ARHGAP11B: variants seen among roughly 807,000 people sequenced by gnomAD.
The protein encoded by ARHGAP11B is inactive Rho GTPase-activating protein 11B.
Under a neutral mutation model 27.6 loss-of-function variants are expected in ARHGAP11B, and 14 were observed. That is an observed-to-expected ratio of 0.51 (90% CI 0.34 to 0.79). The LOEUF (loss-of-function observed/expected upper bound fraction) is 0.79. Among genes scored for constraint, ARHGAP11B ranks in the 30% least tolerant of loss-of-function variants. The pLI is 0.02. For missense variants in ARHGAP11B, 245 were observed against 320.1 expected (o/e 0.77, Z 1.79); for synonymous variants, 82 against 114.1 (o/e 0.72, Z 1.80).
chr15:30,643,425 C>T (rs954389340), intron 7 of ARHGAP11B, among the ~76,000 whole-genome samples: 4 of 151,806 alleles, frequency 2.6e-5, no homozygotes, highest in African/African-American at 9.7e-5. Flanking sequence ...ATTACAGGGG[C>T]CTGCCACTGC....
At chr15:30,636,558 T>C (rs966988804) in intron 6 of ARHGAP11B, among the ~76,000 whole-genome samples, 1 of 152,210 alleles carries the variant, frequency 6.6e-6, no homozygotes, top group Middle Eastern at 3.4e-3. Flanking sequence ...TGTTTCTTCT[T>C]TACCTCCTTT....
chr15:30,643,480 T>C (rs2060327212), intron 7 of ARHGAP11B, among the ~76,000 whole-genome samples: 1 of 151,966 alleles, frequency 6.6e-6, no homozygotes, highest in Non-Finnish European at 1.5e-5. Flanking sequence ...GATTTTATCA[T>C]GTTGGCCAGG....
chr15:30,642,282 T>C (rs1458051832), intron 7 of ARHGAP11B, among the ~76,000 whole-genome samples: 2 of 152,008 alleles, frequency 1.3e-5, no homozygotes, highest in Non-Finnish European at 2.9e-5. Context: ...TAAATGTATA[T>C]GGAGCCTTTG....
intron 6 of ARHGAP11B, 138 bp from the exon 7 acceptor site, chr15:30,638,608 A>G: frequency 2.1e-6 from 1 of 473,306 alleles, no homozygotes; most frequent in Non-Finnish European, 3.8e-6. Context: ...CTATTTTGAA[A>G]TAATTCCTCT....
chr15:30,639,169 A>G (rs2060300300), intron 7 of ARHGAP11B, among the ~76,000 whole-genome samples: 1 of 152,156 alleles, frequency 6.6e-6, no homozygotes, highest in Non-Finnish European at 1.5e-5. Flanking sequence ...TCAATTTTTT[A>G]TCCTAATTTG....
intron 1 of ARHGAP11B, among the ~76,000 whole-genome samples, chr15:30,629,455 G>A (rs2060230632): frequency 6.6e-6 from 1 of 152,036 alleles, no homozygotes; most frequent in Admixed American, 6.6e-5. Flanking sequence ...TCGGGAAGCT[G>A]AGGCAGGAGA....
rs536295310 is a variant in ARHGAP11B at position 30,635,776 on chromosome 15, G to T, written c.*3+143G>T. 2.1e-3 allele frequency: 1,625 copies of T among 766,550 alleles called. 3 individuals carry two copies. Among genetic ancestry groups the T allele is most frequent in the Non-Finnish European group, 2.6e-3 (1,232 of 472,216 alleles). The allele number at this position is 766,550 out of a possible 1,614,324, so 47.5% of individuals were successfully genotyped here. ...AAGATAGGACGTATGCGTGTAAAAA[G>T]TTAAAGCGATAGTACAATCTAATGT... On this transcript the variant is annotated intron_variant, in intron 6 of 10. Transcript: ENST00000428041.
At chr15:30,629,314 A>C (rs996963590) in intron 1 of ARHGAP11B, among the ~76,000 whole-genome samples, 3 of 151,888 alleles carry the variant, frequency 2.0e-5, no homozygotes, top group Admixed American at 6.6e-5. Context: ...GAGGCCGAGG[A>C]GGGTGGATCA....
At chr15:30,632,916 G>A (rs1257857558) in intron 2 of ARHGAP11B, among the ~76,000 whole-genome samples, 1 of 151,772 alleles carries the variant, frequency 6.6e-6, no homozygotes, top group African/African-American at 2.4e-5. Flanking sequence ...AGCATGTAGA[G>A]GTTTCACATA....
intron 1 of ARHGAP11B, among the ~76,000 whole-genome samples, chr15:30,627,546 A>G (rs12914767): frequency 7.9e-5 from 12 of 152,098 alleles, no homozygotes; most frequent in Non-Finnish European, 1.5e-4. Context: ...GCTTGGCCAT[A>G]TCATACTTTT....
chr15:30,643,942 A>G lies in ARHGAP11B; in HGVS notation c.*79-697A>G, dbSNP rs371480593. 1.4e-3 allele frequency among the ~76,000 whole-genome samples: 211 copies of G among 151,956 alleles called. 2 individuals carry two copies. Among genetic ancestry groups the G allele is most frequent in the Non-Finnish European group, 2.4e-3 (165 of 67,956 alleles). ...GGATCCAACTACATGGTTTCTTCAC[A>G]TTTCTCAAATTGTGCACTTTCCAAT... On this transcript the variant is annotated intron_variant, in intron 7 of 10. Coordinates refer to ENST00000428041, the Ensembl canonical transcript of ARHGAP11B.
At chr15:30,633,962 C>G (rs1302373480) in intron 3 of ARHGAP11B, among the ~76,000 whole-genome samples, 1 of 150,654 alleles carries the variant, frequency 6.6e-6, no homozygotes, top group Non-Finnish European at 1.5e-5. Context: ...GAGTTTGAAG[C>G]CAGCCCAGGC....
chr15:30,634,806 AG>A (rs2060268536), intron 4 of ARHGAP11B, among the ~76,000 whole-genome samples: 1 of 151,178 alleles, frequency 6.6e-6, no homozygotes, highest in South Asian at 2.1e-4. Flanking sequence ...TTTTATGTGT[AG>A]GTCTGAAAAT....
rs79733078 is a variant in ARHGAP11B at position 30,637,346 on chromosome 15, C to T, written c.*4-1400C>T. On this transcript the variant is annotated intron_variant, in intron 6 of 10. Coordinates refer to ENST00000428041, the Ensembl canonical transcript of ARHGAP11B. ...ATTCCCTAGATAACTCAGGCTTTAA[C>T]CATGGGTTCTACCTCTTCCTCTACC... is the stretch of plus-strand genomic sequence containing the variant. Among the ~76,000 whole-genome samples, 5 of 152,212 alleles carry T rather than the reference C, an allele frequency of 3.3e-5. No homozygotes were observed. The East Asian group carries it at 5.8e-4, about 18-fold the overall frequency.
intron 7 of ARHGAP11B, among the ~76,000 whole-genome samples, chr15:30,639,617 G>C (rs2060303099): frequency 6.6e-6 from 1 of 151,916 alleles, no homozygotes; most frequent in South Asian, 2.1e-4. Flanking sequence ...TATTTTTTCA[G>C]CCCAGCTATC....
At chr15:30,642,232 G>C (rs898496581) in intron 7 of ARHGAP11B, among the ~76,000 whole-genome samples, 1 of 151,802 alleles carries the variant, frequency 6.6e-6, no homozygotes. Flanking sequence ...AATTGAGAGG[G>C]TTCATGTTTG....
In ARHGAP11B at chr15:30,626,530, G is replaced by A. The variant is rs1253691292; in HGVS notation, c.-291G>A. The A allele has an allele frequency of 2.2e-6, 1 of 461,854 alleles. No homozygotes were observed. Among genetic ancestry groups the A allele is most frequent in the African/African-American group, 2.0e-5 (1 of 50,882 alleles). The allele number at this position is 461,854 out of a possible 1,614,324, so 28.6% of individuals were successfully genotyped here. A position where few individuals can be genotyped will look rare whatever the true frequency, so the allele number is the denominator to read the frequency against. Reference sequence around the variant, plus strand: ...CCGAAAGAATCAGAAAGAAGTCTATGTGAGTAGCTGAAAGCATTGGGTGAC... The same window carrying A: ...CCGAAAGAATCAGAAAGAAGTCTATATGAGTAGCTGAAAGCATTGGGTGAC... On this transcript the variant is annotated 5_prime_UTR_variant, in exon 1 of 11. It adds an upstream start codon to the 5' untranslated region. Transcript: ENST00000428041.
At chr15:30,629,747 T>G (rs1041339229) in intron 1 of ARHGAP11B, among the ~76,000 whole-genome samples, 1 of 152,100 alleles carries the variant, frequency 6.6e-6, no homozygotes, top group African/African-American at 2.4e-5. Context: ...TTAAATATAA[T>G]GCTCATAAAA....
chr15:30,636,347 GA>G (rs2060279552), intron 6 of ARHGAP11B, among the ~76,000 whole-genome samples: 2 of 151,928 alleles, frequency 1.3e-5, no homozygotes, highest in South Asian at 4.1e-4. Flanking sequence ...TATTATCAAG[GA>G]AGAATCAGAA....
Sources: gnomAD v4.1 joint callset for allele counts (sites outside exome capture counted in the v4.1 genomes callset) on GRCh38, gnomAD v4.1.1 for gene constraint, MANE v1.5 for transcripts, NCBI Gene and HGNC (gene_info 2026-07-23, HGNC 2026-07-21) for gene names.